The following EPHA6 variants were observed in gnomAD, a reference collection of about 807,000 sequenced individuals.
EPHA6 encodes the protein EPH receptor A6.
In EPHA6, 50 loss-of-function variants were observed where a neutral mutation model predicts 112.0. The observed-to-expected ratio is 0.45, with a 90% CI of 0.36 to 0.56. EPHA6 has a LOEUF of 0.56. Ranked by LOEUF, EPHA6 falls within the 20% of genes least tolerant of loss-of-function variation. The pLI, the probability that EPHA6 is intolerant of heterozygous loss-of-function variation, is 0.00. For synonymous variants in EPHA6, 529 were observed against 490.7 expected, an observed-to-expected ratio of 1.08 and a Z score of -1.03; for missense variants, 1,280 against 1,417.4, an observed-to-expected ratio of 0.90 and a Z score of 1.56.
intron 11 of EPHA6, among the ~76,000 whole-genome samples, chr3:97,567,447 T>G (rs904367820): frequency 8.5e-5 from 13 of 152,200 alleles, no homozygotes; most frequent in Non-Finnish European, 1.6e-4. Context: ...AGATTTAGCC[T>G]GAAAACATTT....
At chr3:97,134,314 T>A (rs2075715248) in intron 3 of EPHA6, among the ~76,000 whole-genome samples, 1 of 152,120 alleles carries the variant, frequency 6.6e-6, no homozygotes, top group African/African-American at 2.4e-5. Flanking sequence ...AAATTAGTAG[T>A]TCCTAGTTCT....
At chr3:97,378,509 A>G (rs2085514556) in intron 5 of EPHA6, among the ~76,000 whole-genome samples, 1 of 152,088 alleles carries the variant, frequency 6.6e-6, no homozygotes, top group Non-Finnish European at 1.5e-5. Flanking sequence ...TGGTAGATCC[A>G]CCTACAGCTT....
intron 5 of EPHA6, among the ~76,000 whole-genome samples, chr3:97,249,490 A>T (rs1215660135): frequency 1.3e-5 from 2 of 152,150 alleles, no homozygotes; most frequent in Non-Finnish European, 2.9e-5. Context: ...ACATCTTTTG[A>T]GTAATTGAAT....
At chr3:97,308,731 T>C (rs2081425872) in intron 5 of EPHA6, among the ~76,000 whole-genome samples, 2 of 151,806 alleles carry the variant, frequency 1.3e-5, no homozygotes, top group Admixed American at 1.3e-4. Context: ...GTAGTTTGAA[T>C]GTCTAACAAA....
chr3:97,694,374 T>G (rs1281374895), intron 14 of EPHA6, among the ~76,000 whole-genome samples: 1 of 152,010 alleles, frequency 6.6e-6, no homozygotes, highest in Non-Finnish European at 1.5e-5. Flanking sequence ...GTAGCTGAGA[T>G]TACAGGCACC....
chr3:97,049,303 G>T (rs1307461034), intron 3 of EPHA6, among the ~76,000 whole-genome samples: 2 of 152,192 alleles, frequency 1.3e-5, no homozygotes, highest in South Asian at 2.1e-4. Flanking sequence ...GAACAAAGAG[G>T]AAGCAGTGAG....
chr3:97,101,791 A>G (rs1247867020), intron 3 of EPHA6, among the ~76,000 whole-genome samples: 1 of 152,118 alleles, frequency 6.6e-6, no homozygotes, highest in African/African-American at 2.4e-5. Flanking sequence ...AATGCAAAAG[A>G]TTGATTAAAT....
chr3:96,833,413 G>T (rs376550049), intron 1 of EPHA6, among the ~76,000 whole-genome samples: 2 of 151,788 alleles, frequency 1.3e-5, no homozygotes, highest in African/African-American at 4.8e-5. Context: ...CTCAGCCTCA[G>T]ACTTCTCACC....
At chr3:97,682,489 G>A (rs1181007047) in intron 14 of EPHA6, among the ~76,000 whole-genome samples, 2 of 152,004 alleles carry the variant, frequency 1.3e-5, no homozygotes, top group African/African-American at 4.8e-5. Context: ...TTGACGTAAA[G>A]AACAGACCAA....
chr3:97,208,391 A>G (rs2077770261), intron 3 of EPHA6, among the ~76,000 whole-genome samples: 1 of 152,184 alleles, frequency 6.6e-6, no homozygotes, highest in Non-Finnish European at 1.5e-5. Context: ...GCAATAAATA[A>G]TACAAAATAA....
Position 97,315,702 on chromosome 3 carries a change from T to C in EPHA6, c.1606+71415T>C, listed in dbSNP as rs2108766389. On this transcript the variant is annotated intron_variant, in intron 5 of 17. Transcript: ENST00000389672. Reference sequence around the variant, plus strand: ...GTGTAAAGTCATATGCACAGAGCTATTCAAAACATAAAAAAGCTTCAGTAT... The same window carrying C: ...GTGTAAAGTCATATGCACAGAGCTACTCAAAACATAAAAAAGCTTCAGTAT... Among the ~76,000 whole-genome samples the C allele has an allele frequency of 1.3e-5, 2 of 151,872 alleles. 1 individual carries two copies. The highest frequency in any genetic ancestry group is 4.1e-4 in the South Asian group (2 of 4,826).
intron 9 of EPHA6, among the ~76,000 whole-genome samples, chr3:97,479,668 G>A (rs1245904743): frequency 1.3e-5 from 2 of 152,084 alleles, no homozygotes; most frequent in African/African-American, 2.4e-5. Context: ...TAAAACATGA[G>A]TTGATTTTAT....
chr3:97,056,050 T>G (rs2108102986), intron 3 of EPHA6, among the ~76,000 whole-genome samples: 1 of 152,306 alleles, frequency 6.6e-6, no homozygotes, highest in South Asian at 2.1e-4. Flanking sequence ...AAAAGATGTT[T>G]AATATTACTG....
At chr3:97,741,510 C>T (rs1427542983) in intron 16 of EPHA6, among the ~76,000 whole-genome samples, 2 of 152,044 alleles carry the variant, frequency 1.3e-5, no homozygotes, top group African/African-American at 4.8e-5. Flanking sequence ...CTACTATGTG[C>T]CAGTTGTGGT....
intron 5 of EPHA6, among the ~76,000 whole-genome samples, chr3:97,319,184 T>C (rs1576942644): frequency 6.6e-6 from 1 of 151,304 alleles, no homozygotes; most frequent in Admixed American, 6.6e-5. Context: ...TAGTTGTGTC[T>C]TCTGTGAAAG....
At chr3:97,620,583 C>A (rs2093805994) in intron 13 of EPHA6, among the ~76,000 whole-genome samples, 1 of 151,888 alleles carries the variant, frequency 6.6e-6, no homozygotes, top group African/African-American at 2.4e-5. Context: ...AAAAAGCAAA[C>A]AACCCCATTA....
chr3:97,473,002 A>G (rs568136860), intron 7 of EPHA6, among the ~76,000 whole-genome samples: 15 of 151,862 alleles, frequency 9.9e-5, no homozygotes, highest in Admixed American at 3.9e-4. Flanking sequence ...TATCAAGACC[A>G]TTGTGAAGAT....
At chr3:97,512,687 C>T (rs1394835454) in intron 10 of EPHA6, among the ~76,000 whole-genome samples, 1 of 152,114 alleles carries the variant, frequency 6.6e-6, no homozygotes, top group African/African-American at 2.4e-5. Flanking sequence ...TCTCAATCTC[C>T]GGAGTAGCTG....
At chr3:96,881,876 A>G (rs1001849133) in intron 2 of EPHA6, among the ~76,000 whole-genome samples, 1 of 152,224 alleles carries the variant, frequency 6.6e-6, no homozygotes, top group Non-Finnish European at 1.5e-5. Flanking sequence ...CCAGCAGGGC[A>G]GTCAAATCTT....
Sources: gnomAD v4.1 joint callset for allele counts (sites outside exome capture counted in the v4.1 genomes callset) on GRCh38, gnomAD v4.1.1 for gene constraint, MANE v1.5 for transcripts, NCBI Gene and HGNC (gene_info 2026-07-23, HGNC 2026-07-21) for gene names.